Variants in ARID3B observed in about 807,000 individuals in gnomAD.
ARID3B encodes AT-rich interaction domain 3B, also known as AT-rich interactive domain-containing protein 3B.
In ARID3B, 10 loss-of-function variants were observed where a neutral mutation model predicts 51.9. The observed-to-expected ratio is 0.19, with a 90% CI of 0.12 to 0.33. The LOEUF (loss-of-function observed/expected upper bound fraction) is 0.33. ARID3B is among the 10% of genes least tolerant of loss of function. ARID3B has a pLI of 1.00. For synonymous variants in ARID3B, 205 were observed against 279.5 expected, an observed-to-expected ratio of 0.73 and a Z score of 2.66; for missense variants, 483 against 716.3, an observed-to-expected ratio of 0.67 and a Z score of 3.72.
chr15:74,594,942 G>C (rs912019129), intron 8 of ARID3B, among the ~76,000 whole-genome samples: 1 of 152,200 alleles, frequency 6.6e-6, no homozygotes, highest in East Asian at 1.9e-4. Context: ...TCAAGGCCTG[G>C]ATCTTGATAT....
At chr15:74,569,397 G>A (rs2061711533) in intron 2 of ARID3B, among the ~76,000 whole-genome samples, 1 of 151,718 alleles carries the variant, frequency 6.6e-6, no homozygotes, top group South Asian at 2.1e-4. Context: ...GACCAACCTG[G>A]CCAACATGGC....
At chr15:74,550,743 C>G (rs1014074542) in intron 2 of ARID3B, among the ~76,000 whole-genome samples, 1 of 151,876 alleles carries the variant, frequency 6.6e-6, no homozygotes, top group Non-Finnish European at 1.5e-5. Flanking sequence ...ACCCTGCTTC[C>G]ACTGCTTGCT....
intron 2 of ARID3B, among the ~76,000 whole-genome samples, chr15:74,569,291 AG>A (rs2061710865): frequency 6.6e-6 from 1 of 152,176 alleles, no homozygotes; most frequent in African/African-American, 2.4e-5. Context: ...GAGGTCCCAC[AG>A]GGGAGCCCAT....
intron 4 of ARID3B, among the ~76,000 whole-genome samples, chr15:74,575,982 A>G (rs1225766998): frequency 6.6e-6 from 1 of 152,172 alleles, no homozygotes; most frequent in African/African-American, 2.4e-5. Flanking sequence ...CTACAGCCTC[A>G]AAGTGCTGAG....
chr15:74,591,805 A>G lies in ARID3B; in HGVS notation c.1411A>G (p.Asn471Asp), dbSNP rs2061804912. The change falls in exon 7 of 9, where the codon AAC (asparagine) becomes GAC (aspartate). Residue 471 changes from asparagine to aspartate, a missense_variant. Coordinates refer to ENST00000346246, the MANE Select transcript of ARID3B (RefSeq NM_006465.4). The surrounding 1 kb of genome is among the most constrained non-coding windows in gnomAD (Gnocchi z 5.8). The stretch of plus-strand genomic sequence containing the variant: ...GCAGCTCCCCATGAAGATCAGGATC[A>G]ACGGCAGGGGTGAGCCAGGCTCAGG... ...ARQLPMKIRI[N>D]GREDRAEASA... 1 of 1,613,328 alleles carries G rather than the reference A, an allele frequency of 6.2e-7. No homozygotes were observed. Among genetic ancestry groups the G allele is most frequent in the Non-Finnish European group, 8.5e-7 (1 of 1,179,392 alleles).
At chr15:74,560,261 T>C (rs1235454191) in intron 2 of ARID3B, among the ~76,000 whole-genome samples, 1 of 151,832 alleles carries the variant, frequency 6.6e-6, no homozygotes, top group Non-Finnish European at 1.5e-5. Context: ...TAACAGGCCT[T>C]GAGCAATTTA....
chr15:74,593,111 G>T, intron 7 of ARID3B, 27 bp from the exon 8 acceptor site: 1 of 1,606,946 alleles, frequency 6.2e-7, no homozygotes, highest in South Asian at 1.1e-5. Context: ...GGCTTGACCA[G>T]GCCCACTGTC....
chr15:74,591,368 C>T lies in ARID3B; in HGVS notation c.1099C>T (p.Leu367Phe). ...CAAGATCCGCTTTCCCATCCTTGGG[C>T]TTGGCTCCAGCAGTGGTACCAATAC... Reference protein sequence around the residue: ...PPKIRFPILGLGSSSGTNTSS... With the variant: ...PPKIRFPILGFGSSSGTNTSS... Residue 367 changes from leucine (L) to phenylalanine (F), a missense_variant, in exon 6 of 9, where the codon CTT becomes TTT. Physicochemically the swap from Leu to Phe is conservative, Grantham distance 22 (BLOSUM62 0). This residue lies in a region of ARID3B where 265 missense variants were observed against 354.4 expected (regional missense o/e 0.75). Transcript: ENST00000346246. This position sits in a 1 kb window ranked among gnomAD's most constrained non-coding sequence, Gnocchi z 5.8. 6.2e-7 allele frequency: 1 copy of T among 1,614,176 alleles called. No homozygotes were observed. The highest frequency in any genetic ancestry group is 1.7e-4 in the Middle Eastern group (1 of 6,058).
rs565268569 is a variant in ARID3B at position 74,567,015 on chromosome 15, A to AT, written c.553-5837dup. On this transcript the variant is annotated intron_variant, in intron 2 of 8. Coordinates refer to ENST00000346246, the MANE Select transcript of ARID3B (RefSeq NM_006465.4). ...CTATGTACATTTGTATGTTTCTGTT[A>AT]TTTTTTTTTTCAACAAAAATGGGCC... Among the ~76,000 whole-genome samples, 260 of 150,360 alleles carry AT rather than the reference A, an allele frequency of 1.7e-3. 3 individuals carry two copies. The East Asian group carries it at 0.025, about 14-fold the overall frequency.
At chr15:74,556,215 G>T (rs1366811289) in intron 2 of ARID3B, among the ~76,000 whole-genome samples, 3 of 152,076 alleles carry the variant, frequency 2.0e-5, no homozygotes, top group Non-Finnish European at 4.4e-5. Flanking sequence ...GTTACTAATT[G>T]GCCTAATTTC....
chr15:74,553,896 G>A (rs898550475), intron 2 of ARID3B, among the ~76,000 whole-genome samples: 8 of 151,074 alleles, frequency 5.3e-5, no homozygotes, highest in Non-Finnish European at 1.2e-4. Context: ...CAATCTCGGC[G>A]CACTGCAACC....
chr15:74,584,604 G>T (rs1311053734), intron 4 of ARID3B, among the ~76,000 whole-genome samples: 1 of 152,188 alleles, frequency 6.6e-6, no homozygotes, highest in East Asian at 1.9e-4. Flanking sequence ...CTGCAATGGG[G>T]AGGAAGTGGC....
Position 74,544,307 on chromosome 15 carries a change from T to A in ARID3B, c.371T>A (p.Val124Glu). 1.9e-6 allele frequency: 3 copies of A among 1,612,902 alleles called. No homozygotes were observed. The highest frequency in any genetic ancestry group is 2.5e-6 in the Non-Finnish European group (3 of 1,179,354). Residue 124 changes from valine (V) to glutamate (E), a missense_variant, in exon 2 of 9, where the codon GTG (valine) becomes GAG (glutamate). Around this residue, in one of 3 missense-constraint regions of ARID3B, gnomAD observed 182 missense variants for 244.5 expected, o/e 0.74. Coordinates refer to ENST00000346246, the MANE Select transcript of ARID3B (RefSeq NM_006465.4). ...CAGGCTGCTTCAAAATATTTTCATG[T>A]GCAGAAAGTAGCTCGCCAAGATCCC... ...ETQAASKYFHVQKVARQDPRV... is the reference protein window; with the variant it reads ...ETQAASKYFHEQKVARQDPRV...
At chr15:74,547,934 A>G (rs920518283) in intron 2 of ARID3B, among the ~76,000 whole-genome samples, 1 of 152,196 alleles carries the variant, frequency 6.6e-6, no homozygotes, top group Non-Finnish European at 1.5e-5. Flanking sequence ...TTGCATCTGA[A>G]ATCCCTTACT....
At chr15:74,543,491 A>C (rs758469685) in intron 1 of ARID3B, among the ~76,000 whole-genome samples, 1 of 152,148 alleles carries the variant, frequency 6.6e-6, no homozygotes, top group African/African-American at 2.4e-5. Context: ...AAACCCAGTT[A>C]CCTTTTCAGT....
At chr15:74,559,053 T>C (rs1367933517) in intron 2 of ARID3B, among the ~76,000 whole-genome samples, 1 of 152,206 alleles carries the variant, frequency 6.6e-6, no homozygotes, top group Non-Finnish European at 1.5e-5. Context: ...TAGTCTCTCA[T>C]GGCCTCTGGC....
intron 1 of ARID3B, among the ~76,000 whole-genome samples, chr15:74,543,226 A>C (rs1001275688): frequency 4.6e-5 from 7 of 152,154 alleles, no homozygotes; most frequent in Non-Finnish European, 8.8e-5. Context: ...TATAATGTCC[A>C]GTTAGTATGG....
At chr15:74,554,049 C>T (rs2061647658) in intron 2 of ARID3B, among the ~76,000 whole-genome samples, 1 of 152,106 alleles carries the variant, frequency 6.6e-6, no homozygotes, top group Non-Finnish European at 1.5e-5. Flanking sequence ...CTCTGTCGCT[C>T]AGGCTAGAGT....
rs1444100927 is a variant in ARID3B at position 74,596,508 on chromosome 15, C to T, written c.*734C>T. On this transcript the variant is annotated 3_prime_UTR_variant, in exon 9 of 9. Coordinates refer to ENST00000346246, the MANE Select transcript of ARID3B (RefSeq NM_006465.4). ...ACGGACCATTCTCTGACCGCCCCCG[C>T]CAAACCTCATGCTCCCCACTTGCCC... is the stretch of plus-strand genomic sequence containing the variant. The T allele has an allele frequency of 4.3e-6, 1 of 233,534 alleles. No individual in the cohort carries two copies. The highest frequency in any genetic ancestry group is 8.5e-6 in the Non-Finnish European group (1 of 118,098). The allele number at this position is 233,534 out of a possible 1,614,324, so 14.5% of individuals were successfully genotyped here. A position where few individuals can be genotyped will look rare whatever the true frequency, so the allele number is the denominator to read the frequency against.
Sources: allele counts gnomAD v4.1 joint callset (sites outside exome capture counted in the v4.1 genomes callset), GRCh38; gene constraint gnomAD v4.1.1; regional missense constraint gnomAD v4.1.1; non-coding constraint Gnocchi (gnomAD v3.1); transcripts MANE v1.5; gene names NCBI Gene and HGNC (gene_info 2026-07-23, HGNC 2026-07-21).